The following RABGEF1 variants were observed in gnomAD, a reference collection of about 807,000 sequenced individuals.
RABGEF1 encodes RAB guanine nucleotide exchange factor 1, also known as rab5 GDP/GTP exchange factor.
Under a neutral mutation model 57.3 loss-of-function variants are expected in RABGEF1, and 26 were observed. That is an observed-to-expected ratio of 0.45 (90% confidence interval 0.33 to 0.63). The LOEUF is 0.63. Among genes scored for constraint, RABGEF1 ranks in the 20% least tolerant of loss-of-function variants. RABGEF1 has a pLI of 0.02. For missense variants in RABGEF1, 464 were observed against 607.6 expected, an observed-to-expected ratio of 0.76 and a Z score of 2.48; for synonymous variants, 185 against 210.7, an observed-to-expected ratio of 0.88 and a Z score of 1.06.
At chr7:66,739,385 TAG>T (rs1798460419), upstream of RABGEF1, among the ~76,000 whole-genome samples, 1 of 151,322 alleles carries the variant, frequency 6.6e-6, no homozygotes, top group South Asian at 2.1e-4. Flanking sequence ...CCGGGCGCAG[TAG>T]CTCACACCTA....
chr7:66,795,384 A>G (rs1813783119), intron 4 of RABGEF1, 127 bp from the exon 5 acceptor site: 5 of 731,172 alleles, frequency 6.8e-6, no homozygotes, highest in South Asian at 4.5e-5. Flanking sequence ...CAGGATTAAT[A>G]TAACCTGTGA....
At chr7:66,738,092 C>T (rs1328368540), upstream of RABGEF1, among the ~76,000 whole-genome samples, 3 of 149,890 alleles carry the variant, frequency 2.0e-5, no homozygotes, top group African/African-American at 7.4e-5. Context: ...ATGATCACTG[C>T]TCACTGCAGC....
the RABGEF1 span, among the ~76,000 whole-genome samples, chr7:66,660,706 A>C: frequency 2.0e-5 from 3 of 152,244 alleles, no homozygotes; most frequent in Admixed American, 2.0e-4. Flanking sequence ...TTCAACAAAG[A>C]AATACCCCTG....
chr7:66,761,707 G>A (rs1007722946), intron 1 of RABGEF1, among the ~76,000 whole-genome samples: 1 of 152,162 alleles, frequency 6.6e-6, no homozygotes, highest in African/African-American at 2.4e-5. Context: ...GGTAAAAGGA[G>A]GGTAGGAGAA....
chr7:66,773,989 G>A (rs905191045), intron 2 of RABGEF1: 1 of 336,926 alleles, frequency 3.0e-6, no homozygotes, highest in Non-Finnish European at 5.8e-6. Context: ...TAATACAGGT[G>A]GTTCACATGC....
intron 1 of RABGEF1, among the ~76,000 whole-genome samples, chr7:66,742,697 C>G (rs1392162043): frequency 1.3e-5 from 2 of 152,112 alleles, no homozygotes; most frequent in African/African-American, 4.8e-5. Flanking sequence ...GTCTCAACTG[C>G]CTGTGCTGAA....
chr7:66,764,484 T>C (rs1400869430), intron 1 of RABGEF1, among the ~76,000 whole-genome samples: 1 of 152,212 alleles, frequency 6.6e-6, no homozygotes, highest in Non-Finnish European at 1.5e-5. Flanking sequence ...TTATCTGTCT[T>C]TTGTTGCTCC....
intron 2 of RABGEF1, among the ~76,000 whole-genome samples, chr7:66,774,188 T>C (rs761447215): frequency 2.0e-5 from 3 of 152,256 alleles, no homozygotes; most frequent in Non-Finnish European, 4.4e-5. Context: ...GTTCTATTTC[T>C]TCCAACTCAG....
At chr7:66,719,093 A>G (rs1056302261) in intron 2 of RABGEF1, among the ~76,000 whole-genome samples, 13 of 152,228 alleles carry the variant, frequency 8.5e-5, no homozygotes, top group South Asian at 4.1e-4. Flanking sequence ...TGGTTACCCA[A>G]CTGCTTTTGC....
chr7:66,764,384 T>G (rs1190392887), intron 1 of RABGEF1, among the ~76,000 whole-genome samples: 1 of 142,410 alleles, frequency 7.0e-6, no homozygotes, highest in Non-Finnish European at 1.6e-5. Context: ...CATAAATGAC[T>G]TGCAAATGTT....
upstream of RABGEF1, among the ~76,000 whole-genome samples, chr7:66,738,156 G>A (rs2129044031): frequency 6.6e-6 from 1 of 152,090 alleles, no homozygotes; most frequent in East Asian, 1.9e-4. Context: ...GAGTAGCTGG[G>A]ATTACAGGTA....
chr7:66,674,170 T>C, the RABGEF1 span, among the ~76,000 whole-genome samples: 1 of 152,012 alleles, frequency 6.6e-6, no homozygotes, highest in African/African-American at 2.4e-5. Context: ...CGGAAGAAAT[T>C]TGTGCTTGTG....
At chr7:66,776,440 C>G (rs1040648468) in intron 3 of RABGEF1, among the ~76,000 whole-genome samples, 1 of 152,198 alleles carries the variant, frequency 6.6e-6, no homozygotes, top group East Asian at 1.9e-4. Flanking sequence ...AGCCTGTAAT[C>G]TCAGCGCTTT....
intron 3 of RABGEF1, among the ~76,000 whole-genome samples, chr7:66,777,252 G>C (rs1439027489): frequency 6.6e-6 from 1 of 152,128 alleles, no homozygotes; most frequent in Non-Finnish European, 1.5e-5. Flanking sequence ...AGTAAAACAA[G>C]TATAAAATTA....
At chr7:66,779,513 G>GA (rs918431613) in intron 3 of RABGEF1, among the ~76,000 whole-genome samples, 17 of 150,202 alleles carry the variant, frequency 1.1e-4, no homozygotes, top group South Asian at 2.1e-4. Flanking sequence ...TTTAAAAAAA[G>GA]AAAAAAAAAT....
chr7:66,763,403 C>T (rs1804933685), intron 1 of RABGEF1, among the ~76,000 whole-genome samples: 1 of 152,238 alleles, frequency 6.6e-6, no homozygotes, highest in Non-Finnish European at 1.5e-5. Context: ...TCATTCTCAG[C>T]TTCTAGAAGC....
intron 4 of RABGEF1, among the ~76,000 whole-genome samples, chr7:66,787,730 A>T (rs1380749517): frequency 6.6e-6 from 1 of 152,210 alleles, no homozygotes; most frequent in Non-Finnish European, 1.5e-5. Flanking sequence ...ATAGTCACTT[A>T]TGAAGAGGTA....
At chr7:66,773,512 T>G (rs1221406549) in intron 2 of RABGEF1, among the ~76,000 whole-genome samples, 2 of 152,216 alleles carry the variant, frequency 1.3e-5, no homozygotes, top group Non-Finnish European at 2.9e-5. Context: ...AAGCAGTGAT[T>G]GCTGGACCTT....
intron 1 of RABGEF1, among the ~76,000 whole-genome samples, chr7:66,688,713 A>G (rs148985104): frequency 2.3e-4 from 35 of 152,356 alleles, no homozygotes; most frequent in African/African-American, 7.0e-4. Context: ...TGAGATGAAT[A>G]AAAATGAAAA....
Sources: allele counts gnomAD v4.1 joint callset (sites outside exome capture counted in the v4.1 genomes callset), GRCh38; gene constraint gnomAD v4.1.1; transcripts MANE v1.5; gene names NCBI Gene and HGNC (gene_info 2026-07-23, HGNC 2026-07-21).